ENTPD3: variants seen among roughly 807,000 people sequenced by gnomAD.
ENTPD3 encodes CD39 antigen-like 3.
Under a neutral mutation model 51.2 loss-of-function variants are expected in ENTPD3, and 60 were observed. That is an observed-to-expected ratio of 1.17 (90% CI 0.95 to 1.45). The LOEUF (loss-of-function observed/expected upper bound fraction) is 1.45. Among genes scored for constraint, ENTPD3 ranks in the 40% most tolerant of loss-of-function variants. The pLI, the probability that ENTPD3 is intolerant of heterozygous loss-of-function variation, is 0.00. For missense variants in ENTPD3, 593 were observed against 641.1 expected (o/e 0.93, Z 0.81); for synonymous variants, 221 against 238.4 (o/e 0.93, Z 0.67).
intron 7 of ENTPD3, among the ~76,000 whole-genome samples, chr3:40,422,134 T>TCACA (rs3064615): frequency 1.2e-3 from 175 of 148,862 alleles, no homozygotes; most frequent in African/African-American, 4.0e-3. Flanking sequence ...GAGGTAATTG[T>TCACA]CACACACACA....
intron 4 of ENTPD3, among the ~76,000 whole-genome samples, chr3:40,406,976 T>C (rs534913820): frequency 6.6e-6 from 1 of 152,280 alleles, no homozygotes; most frequent in South Asian, 2.1e-4. Flanking sequence ...CGAGGTATTT[T>C]GAAGGTAGGA....
chr3:40,409,809 T>C (rs1354826388), intron 4 of ENTPD3, among the ~76,000 whole-genome samples: 2 of 152,092 alleles, frequency 1.3e-5, no homozygotes, highest in African/African-American at 2.4e-5. Flanking sequence ...GCAATGCAAC[T>C]GTAAAAAGAA....
chr3:40,392,088 G>A lies in ENTPD3; in HGVS notation c.106G>A (p.Val36Ile). 1.2e-6 allele frequency: 2 copies of A among 1,613,968 alleles called. No individual in the cohort carries two copies. The highest frequency in any genetic ancestry group is 8.5e-7 in the Non-Finnish European group (1 of 1,179,844). The change falls in exon 3 of 11, where the codon GTA (valine) becomes ATA (isoleucine). Residue 36 changes from valine (V) to isoleucine (I), a missense_variant. Transcript: ENST00000301825. ...GGTGGTCTTGCTTGTGAGTATTGTG[G>A]TACTTGTGAGTATCACTGTCATCCA... ...ALVVLLVSIV[V>I]LVSITVIQIH...
At chr3:40,419,676 C>T (rs1016222639) in intron 7 of ENTPD3, among the ~76,000 whole-genome samples, 1 of 152,126 alleles carries the variant, frequency 6.6e-6, no homozygotes. Flanking sequence ...TGGCTTGTAT[C>T]CTTCAATAAA....
chr3:40,388,184 C>T (rs1954980341), intron 2 of ENTPD3, 87 bp downstream of exon 2: 2 of 1,211,770 alleles, frequency 1.7e-6, no homozygotes, highest in East Asian at 4.7e-5. Flanking sequence ...CATCCATATC[C>T]CCTGCAAATG....
At position 40,423,336 on chromosome 3, in the gene ENTPD3, G is replaced by A. The variant is rs1955918541; in HGVS notation, c.1150G>A (p.Gly384Ser). Residue 384 changes from glycine to serine, a missense_variant, in exon 9 of 11, where the codon GGT becomes AGT. Coordinates refer to ENST00000301825, the MANE Select transcript of ENTPD3 (RefSeq NM_001248.4). ...CACAGCCAGTGCTTTAAATCTTTCA[G>A]GTAGCTTTTCCCTGGACACCTTCAA... ...YYTASALNLSGSFSLDTFNSS... is the reference protein window; with the variant it reads ...YYTASALNLSSSFSLDTFNSS... The A allele has an allele frequency of 1.9e-6, 3 of 1,614,004 alleles. No individual in the cohort carries two copies. The East Asian group carries it at 6.7e-5, about 36-fold the overall frequency.
In ENTPD3 at chr3:40,423,958, AAAG is replaced by A; in HGVS notation, c.1352_1353+1del. 1 of 1,614,132 alleles carries A rather than the reference AAAG, an allele frequency of 6.2e-7. No homozygotes were observed. Among genetic ancestry groups the A allele is most frequent in the Non-Finnish European group, 8.5e-7 (1 of 1,179,996 alleles). ...GACTTGGCCCCAAATACACTTTGAA[AAAG>A]AAGTAAGTTAAGCACAAATCATTTT... On this transcript the variant is annotated inframe_deletion and splice_region_variant, in exon 10 of 11. Coordinates refer to ENST00000301825, the MANE Select transcript of ENTPD3 (RefSeq NM_001248.4).
intron 9 of ENTPD3, 92 bp downstream of exon 9, chr3:40,423,493 CTCT>C (rs1171099362): frequency 1.1e-6 from 1 of 933,862 alleles, no homozygotes; most frequent in Non-Finnish European, 1.7e-6. Flanking sequence ...AGCCTTTATG[CTCT>C]TCTATTTCCA....
intron 3 of ENTPD3, among the ~76,000 whole-genome samples, chr3:40,392,742 G>A (rs547030641): frequency 1.3e-5 from 2 of 152,002 alleles, no homozygotes; most frequent in African/African-American, 2.4e-5. Context: ...GATTGCTTGA[G>A]CCCAGGAGTT....
intron 3 of ENTPD3, among the ~76,000 whole-genome samples, chr3:40,396,158 C>T (rs781534010): frequency 1.2e-4 from 19 of 152,074 alleles, no homozygotes; most frequent in South Asian, 4.2e-4. Flanking sequence ...AAGATGAGCT[C>T]GGAAGGTCCA....
chr3:40,419,558 G>A (rs1012990626), intron 7 of ENTPD3, among the ~76,000 whole-genome samples: 1 of 152,118 alleles, frequency 6.6e-6, no homozygotes, highest in Non-Finnish European at 1.5e-5. Context: ...TTGAGATTGT[G>A]ATTGCAATCA....
At chr3:40,411,737 G>T in intron 4 of ENTPD3, 75 bp from the exon 5 acceptor site, 1 of 1,458,234 alleles carries the variant, frequency 6.9e-7, no homozygotes, top group South Asian at 1.5e-5. Flanking sequence ...AAGCCAATTT[G>T]TTTTTTATTT....
chr3:40,388,390 C>T lies in ENTPD3; in HGVS notation c.40+293C>T, dbSNP rs118191779. 2.0e-4 allele frequency among the ~76,000 whole-genome samples: 30 copies of T among 152,150 alleles called. No homozygotes were observed. In the East Asian group the frequency reaches 5.2e-3, roughly 26 times the overall value. ...GTTTCCCTTAGCTAGCTGTGTGTAA[C>T]GTTTGCTTTAGAATACTGTATTGTT... On this transcript the variant is annotated intron_variant, in intron 2 of 10. Coordinates refer to ENST00000301825, the MANE Select transcript of ENTPD3 (RefSeq NM_001248.4).
chr3:40,400,893 G>A lies in ENTPD3; in HGVS notation c.169-1G>A. 6.2e-7 allele frequency: 1 copy of A among 1,612,292 alleles called. No individual in the cohort carries two copies. ...GACTCTCCCTTTCCCTTTTTATTCA[G>A]TATGGTATTGTGCTGGATGCCGGGT... On this transcript the variant is annotated splice_acceptor_variant, in intron 3 of 10. Coordinates refer to ENST00000301825, the MANE Select transcript of ENTPD3 (RefSeq NM_001248.4). LOFTEE classifies it high-confidence loss of function.
rs1361286916 is a variant in ENTPD3 at position 40,423,951 on chromosome 3, CT to C, written c.1344del (p.Phe448LeufsTer10). Reference sequence around the variant, plus strand: ...CAGAGGAGACTTGGCCCCAAATACACTTTGAAAAAGAAGTAAGTTAAGCACA... The same window carrying C: ...CAGAGGAGACTTGGCCCCAAATACACTTGAAAAAGAAGTAAGTTAAGCACA... ...FTEETWPQIH[F>X]EKEVGNSSIA... is the part of the protein sequence containing the mutation. On this transcript the variant is annotated frameshift_variant, in exon 10 of 11. Coordinates refer to ENST00000301825, the MANE Select transcript of ENTPD3 (RefSeq NM_001248.4). LOFTEE classifies it high-confidence loss of function. The C allele has an allele frequency of 1.9e-6, 3 of 1,613,990 alleles. No individual in the cohort carries two copies. Among genetic ancestry groups the C allele is most frequent in the African/African-American group, 1.3e-5 (1 of 74,922 alleles).
chr3:40,419,743 G>T (rs1955822510), intron 7 of ENTPD3, among the ~76,000 whole-genome samples: 1 of 152,014 alleles, frequency 6.6e-6, no homozygotes, highest in Non-Finnish European at 1.5e-5. Flanking sequence ...TTTTCTTTGT[G>T]TATATTTTTT....
chr3:40,387,865 T>C (rs1242338133), intron 1 of ENTPD3, 181 bp from the exon 2 acceptor site: 3 of 565,884 alleles, frequency 5.3e-6, no homozygotes, highest in Admixed American at 6.1e-5. Context: ...GGAGATGACA[T>C]GAAATTTAAG....
chr3:40,420,656 G>T (rs559517080), intron 7 of ENTPD3, among the ~76,000 whole-genome samples: 30 of 152,058 alleles, frequency 2.0e-4, no homozygotes, highest in African/African-American at 7.0e-4. Flanking sequence ...AGGCAGAAAG[G>T]GGCCTGTTTG....
chr3:40,415,966 A>G lies in ENTPD3; in HGVS notation c.724A>G (p.Ile242Val). ...GAAGATGGATCTGAACACCAGCGAC[A>G]TCATGCAGGTGTCCCTGTATGGCTA... ...GEKMDLNTSD[I>V]MQVSLYGYVY... The change falls in exon 7 of 11, where the codon ATC becomes GTC. Residue 242 changes from isoleucine (I) to valine (V), a missense_variant. Coordinates refer to ENST00000301825, the MANE Select transcript of ENTPD3 (RefSeq NM_001248.4). 6.2e-7 allele frequency: 1 copy of G among 1,614,158 alleles called. No homozygotes were observed. Among genetic ancestry groups the G allele is most frequent in the Admixed American group, 1.7e-5 (1 of 60,026 alleles).
Sources: gnomAD v4.1 joint callset for allele counts (sites outside exome capture counted in the v4.1 genomes callset) on GRCh38, gnomAD v4.1.1 for gene constraint, MANE v1.5 for transcripts, NCBI Gene and HGNC (gene_info 2026-07-23, HGNC 2026-07-21) for gene names.